Variants in SFI1 observed in about 807,000 individuals in gnomAD.
The protein encoded by SFI1 is SFI1 centrin binding protein, also known as protein SFI1 homolog.
SFI1 carries 195 observed loss-of-function variants against 207.5 expected under a neutral mutation model. The ratio of observed to expected loss-of-function variants is 0.94; its 90% CI spans 0.84 to 1.06. SFI1 has a LOEUF of 1.06. SFI1 is among the 50% of genes least tolerant of loss of function. The pLI is 0.00. For synonymous variants in SFI1, 630 were observed against 598.9 expected (o/e 1.05, Z -0.76); for missense variants, 1,634 against 1,588.0 (o/e 1.03, Z -0.49).
intron 1 of SFI1, among the ~76,000 whole-genome samples, chr22:31,506,512 GA>G (rs1285211830): frequency 6.6e-6 from 1 of 152,178 alleles, no homozygotes; most frequent in Admixed American, 6.6e-5. Flanking sequence ...CATGAAGAAA[GA>G]ACCAGGCACA....
chr22:31,579,793 G>A (rs1183176286), intron 11 of SFI1, among the ~76,000 whole-genome samples: 1 of 152,084 alleles, frequency 6.6e-6, no homozygotes, highest in Admixed American at 6.6e-5. Context: ...GTCCATCCTG[G>A]CCCAACTCCA....
In SFI1 at chr22:31,580,454, T is replaced by C. The variant is rs2063985770; in HGVS notation, c.1248+90T>C. The C allele has an allele frequency of 5.4e-6, 6 of 1,107,574 alleles. No homozygotes were observed. The Admixed American group carries it at 1.6e-4, about 29-fold the overall frequency. 68.6% of individuals were successfully genotyped at this position (1,107,574 alleles called of 1,614,324 possible). A position where few individuals can be genotyped will look rare whatever the true frequency, so the allele number is the denominator to read the frequency against. ...AGTCTTGCCAAATTAAGCAGAACTCTTTTTAAAAAAACTTTTTGTGCTTCA... is the reference window on the plus strand; with the variant it reads ...AGTCTTGCCAAATTAAGCAGAACTCCTTTTAAAAAAACTTTTTGTGCTTCA... On this transcript the variant is annotated intron_variant, in intron 12 of 32. Coordinates refer to ENST00000400288, the MANE Select transcript of SFI1 (RefSeq NM_001007467.3).
intron 16 of SFI1, 102 bp downstream of exon 16, chr22:31,602,395 G>A: frequency 7.9e-7 from 1 of 1,259,144 alleles, no homozygotes; most frequent in South Asian, 1.2e-5. Flanking sequence ...GACCTCACTG[G>A]AGGGCCCCTG....
At position 31,564,814 on chromosome 22, in the gene SFI1, A is replaced by ATTTTTTTTTT. The variant is rs776647555; in HGVS notation, c.765+3430_765+3439dup. Among the ~76,000 whole-genome samples, 254 of 111,884 alleles carry ATTTTTTTTTT rather than the reference A, an allele frequency of 2.3e-3. 14 individuals are homozygous for ATTTTTTTTTT. The highest frequency in any genetic ancestry group is 6.1e-3 in the Middle Eastern group (1 of 164). 73.4% of individuals were successfully genotyped at this position (111,884 alleles called of 152,430 possible). On this transcript the variant is annotated intron_variant, in intron 8 of 32. Coordinates refer to ENST00000400288, the MANE Select transcript of SFI1 (RefSeq NM_001007467.3). ...CATGAGCCACCATGCCTGGCCCAGA[A>ATTTTTTTTTT]TTTTTTTTTTTTTTTTTGAGACGGA...
At chr22:31,611,000 C>T in intron 22 of SFI1, 143 bp from the exon 23 acceptor site, 1 of 1,076,408 alleles carries the variant, frequency 9.3e-7, no homozygotes, top group Non-Finnish European at 1.4e-6. Flanking sequence ...GGGCCATGGT[C>T]CATGTGTGGT....
chr22:31,503,808 C>T (rs559349952), intron 1 of SFI1, among the ~76,000 whole-genome samples: 5 of 150,166 alleles, frequency 3.3e-5, no homozygotes, highest in Non-Finnish European at 7.4e-5. Context: ...AGGCTGGTGG[C>T]GACCTCCTGA....
At chr22:31,613,989 C>A in intron 27 of SFI1, 134 bp downstream of exon 27, 1 of 1,217,954 alleles carries the variant, frequency 8.2e-7, no homozygotes, top group Non-Finnish European at 1.1e-6. Flanking sequence ...CTGCTGGGAA[C>A]CCCCTCTTCT....
chr22:31,517,845 C>T (rs767360133), intron 2 of SFI1, among the ~76,000 whole-genome samples: 2 of 152,024 alleles, frequency 1.3e-5, no homozygotes, highest in Admixed American at 1.3e-4. Flanking sequence ...TGTAGCCTTG[C>T]GATAAGCCTG....
rs768394230 is a variant in SFI1, at chr22:31,573,190, C to T, written c.898C>T (p.Arg300Cys). The change falls in exon 9 of 33, where the codon CGC becomes TGC. Residue 300 changes from arginine (R) to cysteine (C), a missense_variant. Arg to Cys is a radical substitution (Grantham distance 180). Coordinates refer to ENST00000400288, the MANE Select transcript of SFI1 (RefSeq NM_001007467.3). ...GGCCTGGCTTGAATACCTGCAAGTC[C>T]GCAGAGTGAAGAGACAGCAGAATGG... ...LKAWLEYLQVRRVKRQQNEMA... is the reference protein window; with the variant it reads ...LKAWLEYLQVCRVKRQQNEMA... 39 of 1,613,802 alleles carry T rather than the reference C, an allele frequency of 2.4e-5. No homozygotes were observed. Among genetic ancestry groups the T allele is most frequent in the Admixed American group, 1.2e-4 (7 of 59,958 alleles).
Position 31,602,732 on chromosome 22 carries a change from G to A in SFI1, c.1752G>A (p.Arg584=). 1 of 1,614,138 alleles carries A rather than the reference G, an allele frequency of 6.2e-7. No individual in the cohort carries two copies. ...TVACAHHRHG[R]LKKAFCLWRE... is the part of the protein sequence containing the mutation. ...CCTGTGCCCACCACCGCCACGGGCGGCTCAAGAAAGCTTTCTGCCTCTGGA... is the reference window on the plus strand; with the variant it reads ...CCTGTGCCCACCACCGCCACGGGCGACTCAAGAAAGCTTTCTGCCTCTGGA... The change falls in exon 17 of 33, where the codon CGG becomes CGA. Residue 584 remains arginine (R), a synonymous_variant. Coordinates refer to ENST00000400288, the MANE Select transcript of SFI1 (RefSeq NM_001007467.3).
intron 2 of SFI1, among the ~76,000 whole-genome samples, chr22:31,517,452 T>C (rs1191829327): frequency 6.6e-6 from 1 of 152,168 alleles, no homozygotes; most frequent in African/African-American, 2.4e-5. Flanking sequence ...TTCATCGCAC[T>C]GCCCAAGCTG....
intron 17 of SFI1, among the ~76,000 whole-genome samples, chr22:31,603,087 C>T (rs1008717249): frequency 1.3e-5 from 2 of 152,156 alleles, no homozygotes; most frequent in African/African-American, 4.8e-5. Flanking sequence ...CAAAAATTAG[C>T]CAGGCGTGGT....
At position 31,546,611 on chromosome 22, in the gene SFI1, C is replaced by T. The variant is rs954077207; in HGVS notation, c.339-250C>T. On this transcript the variant is annotated intron_variant, in intron 4 of 32. Coordinates refer to ENST00000400288, the MANE Select transcript of SFI1 (RefSeq NM_001007467.3). ...CTGGGATTACAGGTGTGAGGCACTG[C>T]GCCCGACCGATGTTTACTTTTTTTT... Among the ~76,000 whole-genome samples, 6 of 150,074 alleles carry T rather than the reference C, an allele frequency of 4.0e-5. No individual in the cohort carries two copies. In the South Asian group the frequency reaches 1.1e-3, roughly 26 times the overall value.
At chr22:31,543,845 G>A (rs1410668350) in intron 4 of SFI1, among the ~76,000 whole-genome samples, 1 of 151,470 alleles carries the variant, frequency 6.6e-6, no homozygotes, top group East Asian at 1.9e-4. Flanking sequence ...CTATGAGTGG[G>A]TTAGGAGGAG....
chr22:31,613,076 G>A (rs746147995), intron 24 of SFI1, 66 bp from the exon 25 acceptor site: 354 of 1,545,166 alleles, frequency 2.3e-4, no homozygotes, highest in Non-Finnish European at 3.0e-4. Flanking sequence ...GCTGGGCAGG[G>A]CCCCGTGATC....
Position 31,615,287 on chromosome 22 carries a change from C to G in SFI1, c.3300+8C>G. 3 of 1,480,518 alleles carry G rather than the reference C, an allele frequency of 2.0e-6. No homozygotes were observed. Among genetic ancestry groups the G allele is most frequent in the Non-Finnish European group, 1.8e-6 (2 of 1,122,266 alleles). 91.7% of individuals were successfully genotyped at this position (1,480,518 alleles called of 1,614,324 possible). A position where few individuals can be genotyped will look rare whatever the true frequency, so the allele number is the denominator to read the frequency against. On this transcript the variant is annotated splice_region_variant and intron_variant, in intron 29 of 32. Coordinates refer to ENST00000400288, the MANE Select transcript of SFI1 (RefSeq NM_001007467.3). ...GCGGCTGCACCAGCCAGGGTACGTC[C>G]TCCACCACCAGGCCTGGGCACTGGG...
At position 31,528,690 on chromosome 22, in the gene SFI1, G is replaced by A; in HGVS notation, c.93G>A (p.Arg31=). The A allele has an allele frequency of 6.2e-7, 1 of 1,612,016 alleles. No homozygotes were observed. The highest frequency in any genetic ancestry group is 8.5e-7 in the Non-Finnish European group (1 of 1,178,772). The change falls in exon 3 of 33, where the codon AGG becomes AGA. Residue 31 remains arginine (R), a splice_region_variant and synonymous_variant. Transcript: ENST00000400288. ...TGCCTCTTTCGTCCTCAAATTTAAG[G>A]TATTTTAAGGATGGTGCAGTTAAGA... ...KQRMEKKVDS[R]YFKDGAVKKP... is the part of the protein sequence containing the mutation.
chr22:31,505,218 C>T (rs1479362249), intron 1 of SFI1, among the ~76,000 whole-genome samples: 1 of 151,880 alleles, frequency 6.6e-6, no homozygotes, highest in Admixed American at 6.6e-5. Flanking sequence ...GTGGGCAGAT[C>T]ATTTAAGGTC....
At chr22:31,613,937 G>C in intron 27 of SFI1, 82 bp downstream of exon 27, 1 of 1,452,394 alleles carries the variant, frequency 6.9e-7, no homozygotes, top group Non-Finnish European at 9.1e-7. Flanking sequence ...AAACAGCCCT[G>C]ACGGGATGGG....
Sources: gnomAD v4.1 joint callset for allele counts (sites outside exome capture counted in the v4.1 genomes callset) on GRCh38, gnomAD v4.1.1 for gene constraint, MANE v1.5 for transcripts, NCBI Gene and HGNC (gene_info 2026-07-23, HGNC 2026-07-21) for gene names.